CPXM2: variants seen among roughly 807,000 people sequenced by gnomAD.
CPXM2 encodes inactive carboxypeptidase-like protein X2.
A neutral mutation model predicts 86.1 loss-of-function variants in CPXM2; 66 were observed. The observed-to-expected ratio is 0.77, with a 90% CI of 0.63 to 0.94. The LOEUF (loss-of-function observed/expected upper bound fraction) is 0.94. CPXM2 is among the 40% of genes least tolerant of loss of function. The pLI is 0.00. For synonymous variants in CPXM2, 388 were observed against 400.2 expected (o/e 0.97, Z 0.36); for missense variants, 948 against 1,026.3 (o/e 0.92, Z 1.04).
chr10:123,780,895 G>A (rs1846918579), intron 6 of CPXM2, among the ~76,000 whole-genome samples: 1 of 152,200 alleles, frequency 6.6e-6, no homozygotes, highest in African/African-American at 2.4e-5. Context: ...CCAGATTGAA[G>A]GGAAAGACTT....
chr10:123,757,448 C>T (rs1015266897), intron 11 of CPXM2, 96 bp from the exon 12 acceptor site: 191 of 1,055,900 alleles, frequency 1.8e-4, no homozygotes, highest in Non-Finnish European at 2.4e-4. Flanking sequence ...TAAGAACATT[C>T]GGAAGGCCTT....
chr10:123,930,910 T>A (rs1041309238), intron 2 of CPXM2, among the ~76,000 whole-genome samples: 4 of 152,168 alleles, frequency 2.6e-5, no homozygotes, highest in Admixed American at 6.5e-5. Context: ...GAAATAAATC[T>A]TTCGTTCCCA....
chr10:123,943,029 C>A (rs1484780976), upstream of CPXM2, among the ~76,000 whole-genome samples: 1 of 152,192 alleles, frequency 6.6e-6, no homozygotes, highest in Admixed American at 6.5e-5. Flanking sequence ...GAGCAATCGA[C>A]TCTACCATAT....
intron 5 of CPXM2, among the ~76,000 whole-genome samples, chr10:123,798,757 T>C (rs1428191194): frequency 1.3e-5 from 2 of 152,128 alleles, no homozygotes; most frequent in Non-Finnish European, 2.9e-5. Flanking sequence ...ATCATGGAAC[T>C]AAAAGGCCAA....
intron 2 of CPXM2, among the ~76,000 whole-genome samples, chr10:123,899,326 C>T (rs116903198): frequency 6.7e-6 from 1 of 149,466 alleles, no homozygotes; most frequent in Non-Finnish European, 1.5e-5. Flanking sequence ...TTCAGGAATA[C>T]AGAAATGGTT....
chr10:123,854,374 A>ATATATATATTATATATATATT (rs1848666279), intron 3 of CPXM2, among the ~76,000 whole-genome samples: 3 of 83,084 alleles, frequency 3.6e-5, no homozygotes, highest in African/African-American at 1.6e-4. Flanking sequence ...ATATATATAT[A>ATATATATATTATATATATATT]ATATATATAT....
At position 123,918,325 on chromosome 10, in the gene CPXM2, G is replaced by T. The variant is rs779833499; in HGVS notation, n.174+21152C>A. On this transcript the variant is annotated intron_variant and non_coding_transcript_variant, in intron 2 of 19. Transcript: ENST00000368854. The stretch of plus-strand genomic sequence containing the variant: ...CATGAAAAATAACTTGGCAGGTTTC[G>T]ATTCTGGCTAGGAGGTATACCTTAC... Among the ~76,000 whole-genome samples the T allele has an allele frequency of 2.6e-5, 4 of 152,126 alleles. 1 individual carries two copies. The highest frequency in any genetic ancestry group is 9.7e-5 in the African/African-American group (4 of 41,404).
upstream of CPXM2, among the ~76,000 whole-genome samples, chr10:123,941,536 C>T (rs764358468): frequency 7.2e-5 from 11 of 152,230 alleles, no homozygotes; most frequent in Non-Finnish European, 1.3e-4. Context: ...AACCTTATTT[C>T]ATAAAAGGTC....
intron 4 of CPXM2, among the ~76,000 whole-genome samples, chr10:123,803,112 AG>A (rs1847495789): frequency 1.1e-5 from 1 of 93,220 alleles, no homozygotes; most frequent in Non-Finnish European, 2.4e-5. Flanking sequence ...TCCTCTTTGT[AG>A]TACCCTTTTT....
At chr10:123,771,975 T>G (rs1846645088) in intron 7 of CPXM2, among the ~76,000 whole-genome samples, 1 of 152,180 alleles carries the variant, frequency 6.6e-6, no homozygotes, top group African/African-American at 2.4e-5. Flanking sequence ...TTACCCAGTC[T>G]CATGTATTTC....
intron 2 of CPXM2, among the ~76,000 whole-genome samples, chr10:123,930,603 G>A (rs1048659543): frequency 6.6e-6 from 1 of 152,210 alleles, no homozygotes; most frequent in African/African-American, 2.4e-5. Flanking sequence ...CCAAAAGATA[G>A]TAAGCCCAGA....
intron 4 of CPXM2, among the ~76,000 whole-genome samples, chr10:123,802,599 G>A (rs747047637): frequency 6.6e-6 from 1 of 152,168 alleles, no homozygotes; most frequent in Non-Finnish European, 1.5e-5. Context: ...TAGGAAGAGT[G>A]CTTCTGTGAA....
intron 7 of CPXM2, 139 bp downstream of exon 7, chr10:123,780,028 T>C: frequency 1.6e-6 from 1 of 615,782 alleles, no homozygotes. Flanking sequence ...AAGCATTTAG[T>C]GTGTCTTCAG....
At chr10:123,863,695 G>A (rs1173159942) in intron 2 of CPXM2, among the ~76,000 whole-genome samples, 3 of 152,144 alleles carry the variant, frequency 2.0e-5, no homozygotes, top group African/African-American at 7.2e-5. Flanking sequence ...CAACAGCCCT[G>A]CCTCCTCATA....
At chr10:123,768,170 C>A (rs946202158) in intron 9 of CPXM2, among the ~76,000 whole-genome samples, 7 of 152,052 alleles carry the variant, frequency 4.6e-5, no homozygotes, top group Non-Finnish European at 8.8e-5. Flanking sequence ...GGCGGATTAC[C>A]TTAGGTCACG....
At chr10:123,825,762 T>C (rs915054484) in intron 4 of CPXM2, among the ~76,000 whole-genome samples, 4 of 152,202 alleles carry the variant, frequency 2.6e-5, no homozygotes, top group Admixed American at 2.6e-4. Context: ...AATATTTTTA[T>C]TAAGATTATT....
At chr10:123,875,831 T>C (rs1944977543) in intron 2 of CPXM2, among the ~76,000 whole-genome samples, 1 of 138,170 alleles carries the variant, frequency 7.2e-6, no homozygotes, top group African/African-American at 2.7e-5. Flanking sequence ...TTTTTTTTTT[T>C]GGTGGGACAG....
chr10:123,857,616 A>ACGGAAGGCGGCG (rs1848758760), intron 3 of CPXM2, among the ~76,000 whole-genome samples: 2 of 141,520 alleles, frequency 1.4e-5, no homozygotes, highest in Non-Finnish European at 3.2e-5. Flanking sequence ...CGGCGTGGAG[A>ACGGAAGGCGGCG]TGGAAGGCGG....
chr10:123,897,590 G>C (rs1408951179), intron 2 of CPXM2, among the ~76,000 whole-genome samples: 1 of 152,170 alleles, frequency 6.6e-6, no homozygotes, highest in Non-Finnish European at 1.5e-5. Flanking sequence ...CACTGGGGTG[G>C]TCATGGGTGG....
Sources: gnomAD v4.1 joint callset for allele counts (sites outside exome capture counted in the v4.1 genomes callset) on GRCh38, gnomAD v4.1.1 for gene constraint, MANE v1.5 for transcripts, NCBI Gene and HGNC (gene_info 2026-07-23, HGNC 2026-07-21) for gene names.